ING5: variants seen among roughly 807,000 people sequenced by gnomAD.
ING5 encodes inhibitor of growth family member 5.
ING5 carries 17 observed loss-of-function variants against 37.4 expected under a neutral mutation model. The observed-to-expected ratio is 0.45, with a 90% CI of 0.31 to 0.68. The LOEUF (loss-of-function observed/expected upper bound fraction) is 0.68. ING5 is among the 30% of genes least tolerant of loss of function. The probability of loss-of-function intolerance (pLI) is 0.05; values close to 1 mark genes in which losing one functional copy is unlikely to be tolerated. For synonymous variants in ING5, 123 were observed against 116.6 expected (o/e 1.06, Z -0.36); for missense variants, 233 against 311.9 (o/e 0.75, Z 1.91).
intron 2 of ING5, among the ~76,000 whole-genome samples, chr2:241,691,168 G>A (rs1166071937): frequency 6.6e-6 from 1 of 151,800 alleles, no homozygotes; most frequent in Non-Finnish European, 1.5e-5. Context: ...CCTGGGTGTT[G>A]TGGCTGACAC....
intron 5 of ING5, among the ~76,000 whole-genome samples, chr2:241,718,676 C>T (rs1341704887): frequency 5.9e-5 from 9 of 152,110 alleles, no homozygotes; most frequent in Admixed American, 4.6e-4. Flanking sequence ...TTTGGCCTCC[C>T]GATGTGCTGG....
intron 3 of ING5, 57 bp downstream of exon 3, chr2:241,709,439 G>A: frequency 1.3e-6 from 2 of 1,509,884 alleles, no homozygotes; most frequent in Non-Finnish European, 1.8e-6. Flanking sequence ...TGCCTCTCAT[G>A]CAACAAAATG....
chr2:241,702,489 A>G (rs1322866629), intron 1 of ING5, among the ~76,000 whole-genome samples: 2 of 151,858 alleles, frequency 1.3e-5, no homozygotes, highest in African/African-American at 4.8e-5. Context: ...TCCCGTCTGC[A>G]GGAGGAGCTG....
intron 2 of ING5, among the ~76,000 whole-genome samples, chr2:241,705,327 C>T (rs551195249): frequency 7.2e-5 from 11 of 152,056 alleles, no homozygotes; most frequent in Admixed American, 5.2e-4. Flanking sequence ...ATCTGCCCGC[C>T]TCAGCCTCCC....
At chr2:241,700,887 A>G (rs902343595), upstream of ING5, among the ~76,000 whole-genome samples, 1 of 151,518 alleles carries the variant, frequency 6.6e-6, no homozygotes, top group African/African-American at 2.4e-5. Flanking sequence ...CGGCCTCCCA[A>G]AGTGTTGGGA....
At chr2:241,718,161 C>T (rs981975187) in intron 5 of ING5, among the ~76,000 whole-genome samples, 6 of 151,914 alleles carry the variant, frequency 3.9e-5, no homozygotes, top group Admixed American at 6.6e-5. Context: ...TACAGGTGAG[C>T]GTCACCACAC....
chr2:241,698,468 CATT>C (rs1000323486), upstream of ING5, among the ~76,000 whole-genome samples: 1 of 150,182 alleles, frequency 6.7e-6, no homozygotes, highest in Non-Finnish European at 1.5e-5. Flanking sequence ...AAATGTATCA[CATT>C]AATGCAAAAT....
At chr2:241,723,337 A>G (rs2124953520) in intron 7 of ING5, 66 bp downstream of exon 7, 1 of 1,532,612 alleles carries the variant, frequency 6.5e-7, no homozygotes, top group Admixed American at 1.7e-5. Flanking sequence ...TGGCCTCCCC[A>G]GGAGAAGGTG....
At chr2:241,721,496 A>G (rs1228715754) in intron 5 of ING5, 2 of 985,386 alleles carry the variant, frequency 2.0e-6, no homozygotes, top group Non-Finnish European at 2.4e-6. Flanking sequence ...GTGTGTGTGT[A>G]TGTGTACAGG....
intron 5 of ING5, among the ~76,000 whole-genome samples, chr2:241,714,275 G>C (rs1184054809): frequency 6.6e-6 from 1 of 152,058 alleles, no homozygotes; most frequent in Admixed American, 6.6e-5. Context: ...TTATAGTTTA[G>C]TCCTGTTGTT....
chr2:241,701,894 G>A, upstream of ING5: 1 of 339,820 alleles, frequency 2.9e-6, no homozygotes, highest in Non-Finnish European at 5.2e-6. Flanking sequence ...CCTCCGCCCG[G>A]GCCCCGCAGC....
intron 5 of ING5, chr2:241,722,060 G>A: frequency 1.0e-6 from 1 of 985,442 alleles, no homozygotes; most frequent in Non-Finnish European, 1.2e-6. Flanking sequence ...GTGGGGAGCT[G>A]CTGGTTGAGT....
intron 4 of ING5, 111 bp from the exon 5 acceptor site, chr2:241,711,867 C>T (rs2070121897): frequency 9.9e-7 from 1 of 1,005,670 alleles, no homozygotes; most frequent in African/African-American, 1.6e-5. Flanking sequence ...CTCCGCTGCA[C>T]TCCAGCCAGC....
rs568098483 is a variant in ING5, at chr2:241,726,260, G to T, written c.*1229G>T. 2.0e-5 allele frequency: 3 copies of T among 152,354 alleles called. No homozygotes were observed. Among genetic ancestry groups the T allele is most frequent in the African/African-American group, 7.2e-5 (3 of 41,566 alleles). 9.4% of individuals were successfully genotyped at this position (152,354 alleles called of 1,614,324 possible). A position where few individuals can be genotyped will look rare whatever the true frequency, so the allele number is the denominator to read the frequency against. Reference sequence around the variant, plus strand: ...AACCTGAGGGAAAACTGAGACGTGAGGTTCCTGATTTAAGAAGCCTGGGTT... The same window carrying T: ...AACCTGAGGGAAAACTGAGACGTGATGTTCCTGATTTAAGAAGCCTGGGTT... On this transcript the variant is annotated 3_prime_UTR_variant, in exon 8 of 8. Transcript: ENST00000313552.
chr2:241,725,511 T>G lies in ING5; in HGVS notation c.*480T>G, dbSNP rs1455437996. 6.6e-6 allele frequency: 1 copy of G among 152,404 alleles called. No individual in the cohort carries two copies. The highest frequency in any genetic ancestry group is 2.4e-5 in the African/African-American group (1 of 41,348). 9.4% of individuals were successfully genotyped at this position (152,404 alleles called of 1,614,324 possible). ...GTGGCGGCGGCTGCCCTCCTCACAC[T>G]CGGCTCCGCGCCGCCTCCGGCCACC... is the stretch of plus-strand genomic sequence containing the variant. On this transcript the variant is annotated 3_prime_UTR_variant, in exon 8 of 8. Coordinates refer to ENST00000313552, the MANE Select transcript of ING5 (RefSeq NM_032329.6).
intron 2 of ING5, among the ~76,000 whole-genome samples, chr2:241,708,886 G>A (rs1312063623): frequency 1.3e-5 from 2 of 152,196 alleles, no homozygotes; most frequent in South Asian, 2.1e-4. Context: ...AGGGAAAAAA[G>A]AGTAGTATGC....
rs2069862972 is a variant in ING5, at chr2:241,705,114, G to A, written c.109+390G>A. 2.0e-5 allele frequency among the ~76,000 whole-genome samples: 3 copies of A among 151,968 alleles called. No individual in the cohort carries two copies. In the South Asian group the frequency reaches 6.2e-4, roughly 31 times the overall value. ...TTTTGAGACGGAGTCTTGCTTTGTC[G>A]CCCAGTCCGGAGTGCAGTGACGTGA... On this transcript the variant is annotated intron_variant, in intron 2 of 7. Transcript: ENST00000313552.
intron 2 of ING5, among the ~76,000 whole-genome samples, chr2:241,707,096 A>T (rs1001054443): frequency 6.6e-6 from 1 of 150,454 alleles, no homozygotes; most frequent in African/African-American, 2.4e-5. Flanking sequence ...AGTAGCTGGG[A>T]TTACAGGCAT....
chr2:241,698,009 G>A (rs1261132059), upstream of ING5, among the ~76,000 whole-genome samples: 1 of 148,684 alleles, frequency 6.7e-6, no homozygotes, highest in Non-Finnish European at 1.5e-5. Flanking sequence ...CTGGAACCCA[G>A]AAGGCGGAGG....
Sources: allele counts gnomAD v4.1 joint callset (sites outside exome capture counted in the v4.1 genomes callset), GRCh38; gene constraint gnomAD v4.1.1; transcripts MANE v1.5; gene names NCBI Gene and HGNC (gene_info 2026-07-23, HGNC 2026-07-21).